LSAMP: variants seen among roughly 807,000 people sequenced by gnomAD.
The protein encoded by LSAMP is limbic system associated membrane protein.
Under a neutral mutation model 38.6 loss-of-function variants are expected in LSAMP, and 7 were observed. The ratio of observed to expected loss-of-function variants is 0.18; its 90% CI spans 0.10 to 0.34. The LOEUF (loss-of-function observed/expected upper bound fraction) is 0.34. Among genes scored for constraint, LSAMP ranks in the 10% least tolerant of loss-of-function variants. LSAMP has a pLI of 1.00. For missense variants in LSAMP, 313 were observed against 420.0 expected (o/e 0.75, Z 2.23); for synonymous variants, 154 against 166.8 (o/e 0.92, Z 0.59).
At chr3:116,220,403 C>T (rs2046269673) in intron 1 of LSAMP, among the ~76,000 whole-genome samples, 1 of 146,966 alleles carries the variant, frequency 6.8e-6, no homozygotes, top group Non-Finnish European at 1.5e-5. Flanking sequence ...ACAAAAGATA[C>T]TTCTAAAAGG....
intron 6 of LSAMP, among the ~76,000 whole-genome samples, chr3:115,817,965 A>T (rs1342188575): frequency 6.6e-6 from 1 of 152,192 alleles, no homozygotes; most frequent in Non-Finnish European, 1.5e-5. Context: ...TAGGATCAAC[A>T]TATTGCATTA....
At chr3:115,830,532 A>C (rs1381771204) in intron 6 of LSAMP, among the ~76,000 whole-genome samples, 2 of 152,176 alleles carry the variant, frequency 1.3e-5, no homozygotes, top group Non-Finnish European at 2.9e-5. Context: ...TTTCTTTCTT[A>C]GGGTTTTGGG....
chr3:116,381,541 GA>G (rs2048558752), intron 1 of LSAMP, among the ~76,000 whole-genome samples: 1 of 151,998 alleles, frequency 6.6e-6, no homozygotes, highest in Non-Finnish European at 1.5e-5. Flanking sequence ...AATGACAAGA[GA>G]AAAATGATTC....
In LSAMP at chr3:116,012,858, C is replaced by T. The variant is rs77488505; in HGVS notation, c.514+6657G>A. ...AATACTGCACCAAGAACTTTGCCTA[C>T]GTATTATTTTAATTTTCAGGATAAT... On this transcript the variant is annotated intron_variant, in intron 3 of 6. Transcript: ENST00000490035. Among the ~76,000 whole-genome samples, 326 of 152,062 alleles carry T rather than the reference C, an allele frequency of 2.1e-3. 2 individuals are homozygous for T. The highest frequency in any genetic ancestry group is 7.1e-3 in the African/African-American group (293 of 41,480).
intron 1 of LSAMP, among the ~76,000 whole-genome samples, chr3:116,187,575 GT>G (rs1254389640): frequency 6.6e-6 from 1 of 152,040 alleles, no homozygotes; most frequent in Admixed American, 6.6e-5. Flanking sequence ...AAACATGAAA[GT>G]TTTATATTCT....
intron 4 of LSAMP, among the ~76,000 whole-genome samples, chr3:115,844,519 G>A (rs1209173616): frequency 1.3e-5 from 2 of 152,250 alleles, no homozygotes; most frequent in South Asian, 4.1e-4. Flanking sequence ...GTGGTGCTGT[G>A]GGGGAGATAT....
At chr3:116,066,250 G>C (rs933955759) in intron 2 of LSAMP, among the ~76,000 whole-genome samples, 2 of 152,152 alleles carry the variant, frequency 1.3e-5, no homozygotes, top group Admixed American at 6.5e-5. Flanking sequence ...AGTGAGGGTC[G>C]AGCCTAATCA....
intron 1 of LSAMP, among the ~76,000 whole-genome samples, chr3:116,093,435 G>T (rs192004703): frequency 1.3e-5 from 2 of 152,212 alleles, no homozygotes; most frequent in African/African-American, 4.8e-5. Context: ...AAGTGCAGTA[G>T]TGTGTTTTCA....
chr3:116,281,632 CT>C (rs2047128588), intron 1 of LSAMP, among the ~76,000 whole-genome samples: 1 of 152,278 alleles, frequency 6.6e-6, no homozygotes, highest in Admixed American at 6.5e-5. Flanking sequence ...TAATAAAATG[CT>C]ATTACTATTA....
At chr3:115,881,074 T>TAAATAAATAAAAC in intron 3 of LSAMP, among the ~76,000 whole-genome samples, 2 of 58,338 alleles carry the variant, frequency 3.4e-5, no homozygotes, top group Admixed American at 1.7e-4. Context: ...ATAAATAAAA[T>TAAATAAATAAAAC]ACTGTACATA....
chr3:116,202,952 GA>G (rs2046007712), intron 1 of LSAMP, among the ~76,000 whole-genome samples: 2 of 152,168 alleles, frequency 1.3e-5, no homozygotes, highest in Admixed American at 6.5e-5. Context: ...CTTTGTTGCT[GA>G]AGTATATAAA....
At chr3:116,017,842 G>A (rs932984039) in intron 3 of LSAMP, among the ~76,000 whole-genome samples, 3 of 152,112 alleles carry the variant, frequency 2.0e-5, no homozygotes, top group African/African-American at 7.2e-5. Context: ...TAAACACAAT[G>A]ATTTTAGAAG....
chr3:116,286,104 CAGG>C (rs2047191175), intron 1 of LSAMP, among the ~76,000 whole-genome samples: 2 of 152,228 alleles, frequency 1.3e-5, no homozygotes, highest in African/African-American at 4.8e-5. Flanking sequence ...TTTGAAATTC[CAGG>C]AGGAGAAGAG....
At position 116,112,392 on chromosome 3, in the gene LSAMP, A is replaced by G. The variant is rs141792240; in HGVS notation, c.156-25836T>C. 5.8e-3 allele frequency among the ~76,000 whole-genome samples: 891 copies of G among 152,318 alleles called. 9 individuals are homozygous for G. Among genetic ancestry groups the G allele is most frequent in the African/African-American group, 0.02 (814 of 41,582 alleles). On this transcript the variant is annotated intron_variant, in intron 1 of 6. Transcript: ENST00000490035. ...ACAGTTTAACATAGCCAGCTAGTAC[A>G]TCCTTTTTCTAGAACTCAAAGGAAG...
At chr3:115,942,228 G>A (rs1342578555) in intron 3 of LSAMP, among the ~76,000 whole-genome samples, 1 of 152,136 alleles carries the variant, frequency 6.6e-6, no homozygotes, top group Non-Finnish European at 1.5e-5. Context: ...GCAAACAAAT[G>A]TAGTGTCTCT....
At chr3:116,093,687 T>A (rs138165525) in intron 1 of LSAMP, among the ~76,000 whole-genome samples, 59 of 152,354 alleles carry the variant, frequency 3.9e-4, no homozygotes, top group African/African-American at 9.9e-4. Context: ...TGATTTTTTT[T>A]AAGAAAATTA....
At chr3:116,031,819 C>T (rs1227314732) in intron 2 of LSAMP, among the ~76,000 whole-genome samples, 2 of 151,800 alleles carry the variant, frequency 1.3e-5, no homozygotes, top group African/African-American at 4.8e-5. Context: ...TACCATGAAC[C>T]ATTTTAAATA....
intron 1 of LSAMP, among the ~76,000 whole-genome samples, chr3:116,280,864 G>GTGAT (rs1213355253): frequency 2.6e-5 from 4 of 151,952 alleles, no homozygotes; most frequent in African/African-American, 9.7e-5. Context: ...CCAGAATAGT[G>GTGAT]TGATAGTTTT....
Position 115,857,740 on chromosome 3 carries a change from C to A in LSAMP, c.515-5123G>T, listed in dbSNP as rs113587577. 5.1e-3 allele frequency among the ~76,000 whole-genome samples: 775 copies of A among 152,320 alleles called. 6 individuals carry two copies. The highest frequency in any genetic ancestry group is 0.017 in the African/African-American group (686 of 41,574). ...CTCCTCAGTGTATGCACCTTTTAAA[C>A]TCTTGCACATAATTAGCATATCCCT... On this transcript the variant is annotated intron_variant, in intron 3 of 6. Coordinates refer to ENST00000490035, the MANE Select transcript of LSAMP (RefSeq NM_002338.5).
Sources: gnomAD v4.1 joint callset for allele counts (sites outside exome capture counted in the v4.1 genomes callset) on GRCh38, gnomAD v4.1.1 for gene constraint, MANE v1.5 for transcripts, NCBI Gene and HGNC (gene_info 2026-07-23, HGNC 2026-07-21) for gene names.